Variants in LDLRAD3 observed in about 807,000 individuals in gnomAD.
LDLRAD3 encodes low density lipoprotein receptor class A domain containing 3, also known as low-density lipoprotein receptor class A domain-containing protein 3.
A neutral mutation model predicts 29.4 loss-of-function variants in LDLRAD3; 20 were observed. The observed-to-expected ratio is 0.68, with a 90% CI of 0.48 to 0.99. The LOEUF (loss-of-function observed/expected upper bound fraction) is 0.99, where lower values mean the gene tolerates loss of function less well. LDLRAD3 is among the 50% of genes least tolerant of loss of function. The probability of loss-of-function intolerance (pLI) is 0.00; values close to 1 mark genes in which losing one functional copy is unlikely to be tolerated. For missense variants in LDLRAD3, 420 were observed against 454.3 expected (o/e 0.92, Z 0.69); for synonymous variants, 157 against 192.7 (o/e 0.81, Z 1.53).
intron 4 of LDLRAD3, among the ~76,000 whole-genome samples, chr11:36,199,587 A>ACACACACG (rs772103050): frequency 1.3e-5 from 2 of 149,362 alleles, no homozygotes; most frequent in Admixed American, 6.7e-5. Context: ...ACACACACAC[A>ACACACACG]CGCACGCACG....
chr11:35,949,350 T>C (rs2133123404), intron 1 of LDLRAD3, among the ~76,000 whole-genome samples: 1 of 152,098 alleles, frequency 6.6e-6, no homozygotes, highest in African/African-American at 2.4e-5. Context: ...ACCTGGGAGG[T>C]TCAGCAGCCC....
At chr11:36,133,207 C>CTTTTTTTTTT (rs60402803) in intron 4 of LDLRAD3, among the ~76,000 whole-genome samples, 1 of 146,538 alleles carries the variant, frequency 6.8e-6, no homozygotes. Context: ...TTTCTTTTTT[C>CTTTTTTTTTT]TTTTTTTTAG....
At chr11:36,142,113 G>A (rs1316915880) in intron 4 of LDLRAD3, among the ~76,000 whole-genome samples, 2 of 152,180 alleles carry the variant, frequency 1.3e-5, no homozygotes, top group Non-Finnish European at 2.9e-5. Context: ...AAGCCATCCA[G>A]CCATGGCTGG....
chr11:36,078,208 G>A (rs1853048437), intron 2 of LDLRAD3, among the ~76,000 whole-genome samples: 1 of 152,168 alleles, frequency 6.6e-6, no homozygotes, highest in South Asian at 2.1e-4. Context: ...CCAGTCTGCG[G>A]GACCCACAGC....
intron 4 of LDLRAD3, among the ~76,000 whole-genome samples, chr11:36,209,008 A>G (rs1203320262): frequency 6.6e-6 from 1 of 152,260 alleles, no homozygotes; most frequent in African/African-American, 2.4e-5. Context: ...CATTTCAGGT[A>G]TCCCCTGATG....
chr11:36,209,348 C>G (rs975960240), intron 4 of LDLRAD3, among the ~76,000 whole-genome samples: 1 of 134,924 alleles, frequency 7.4e-6, no homozygotes, highest in Non-Finnish European at 1.5e-5. Flanking sequence ...TTTGCAGAAA[C>G]TGTACTTTTT....
intron 1 of LDLRAD3, among the ~76,000 whole-genome samples, chr11:35,999,535 A>G (rs1259037204): frequency 1.3e-5 from 2 of 152,060 alleles, no homozygotes; most frequent in Non-Finnish European, 2.9e-5. Flanking sequence ...TTGGCTTCTC[A>G]TTGGAGGCGG....
At chr11:35,958,486 C>T (rs1291257953) in intron 1 of LDLRAD3, among the ~76,000 whole-genome samples, 1 of 152,092 alleles carries the variant, frequency 6.6e-6, no homozygotes, top group Admixed American at 6.5e-5. Flanking sequence ...CGTAGTAGTC[C>T]CCACTCACTA....
chr11:35,965,658 G>T (rs573936196), intron 1 of LDLRAD3, among the ~76,000 whole-genome samples: 2 of 152,240 alleles, frequency 1.3e-5, no homozygotes, highest in South Asian at 4.1e-4. Flanking sequence ...AAAGAGAGAT[G>T]GGGGAATAAG....
intron 1 of LDLRAD3, among the ~76,000 whole-genome samples, chr11:35,990,094 T>A (rs866451894): frequency 7.2e-5 from 11 of 152,140 alleles, no homozygotes; most frequent in Non-Finnish European, 1.2e-4. Flanking sequence ...TTATGTTGAG[T>A]CTCAGTTTTT....
intron 4 of LDLRAD3, among the ~76,000 whole-genome samples, chr11:36,209,010 C>A (rs1307746449): frequency 6.6e-6 from 1 of 152,198 alleles, no homozygotes; most frequent in Admixed American, 6.5e-5. Context: ...TTTCAGGTAT[C>A]CCCTGATGGG....
chr11:36,165,978 CT>C (rs2133342684), intron 4 of LDLRAD3, among the ~76,000 whole-genome samples: 5 of 119,620 alleles, frequency 4.2e-5, no homozygotes, highest in African/African-American at 1.6e-4. Flanking sequence ...CCCTCCCTCC[CT>C]TCCTTCCTTC....
intron 2 of LDLRAD3, among the ~76,000 whole-genome samples, chr11:36,058,015 C>T (rs1852646279): frequency 6.6e-6 from 1 of 152,194 alleles, no homozygotes; most frequent in African/African-American, 2.4e-5. Context: ...GGTTGATGCC[C>T]TCTGAGCACT....
chr11:35,980,972 C>T (rs1238249067), intron 1 of LDLRAD3, among the ~76,000 whole-genome samples: 1 of 152,076 alleles, frequency 6.6e-6, no homozygotes, highest in African/African-American at 2.4e-5. Context: ...TATTGGGGAC[C>T]CTCGGGCCAC....
chr11:35,957,736 C>T (rs569529196), intron 1 of LDLRAD3, among the ~76,000 whole-genome samples: 10 of 139,484 alleles, frequency 7.2e-5, no homozygotes, highest in Admixed American at 1.6e-4. Flanking sequence ...ACGGAGGTTG[C>T]ATGGAGCTGA....
In LDLRAD3 at chr11:36,055,990, C is replaced by CTTTT. The variant is rs67731567; in HGVS notation, c.193+19760_193+19763dup. Among the ~76,000 whole-genome samples the CTTTT allele has an allele frequency of 1.6e-3, 152 of 95,316 alleles. 5 individuals carry two copies. The highest frequency in any genetic ancestry group is 1.8e-3 in the Non-Finnish European group (94 of 51,962). 62.5% of individuals were successfully genotyped at this position (95,316 alleles called of 152,430 possible). On this transcript the variant is annotated intron_variant, in intron 2 of 5. Coordinates refer to ENST00000315571, the MANE Select transcript of LDLRAD3 (RefSeq NM_174902.4). ...GGGTTCTGGGGTCAGACAGCTTGCC[C>CTTTT]TTTTTTTTTTTTTTTTTTTTTTGAG...
In LDLRAD3 at chr11:35,974,391, G is replaced by A. The variant is rs189122257; in HGVS notation, c.46+30247G>A. ...CTGACTTGACCTCTCTTCTGTTGCT[G>A]CTGTGTAACAATATTATCACAAACT... On this transcript the variant is annotated intron_variant, in intron 1 of 5. Transcript: ENST00000315571. 3.4e-4 allele frequency among the ~76,000 whole-genome samples: 52 copies of A among 151,850 alleles called. 1 individual carries two copies. The highest frequency in any genetic ancestry group is 1.1e-3 in the African/African-American group (47 of 41,384).
intron 2 of LDLRAD3, among the ~76,000 whole-genome samples, chr11:36,064,613 C>T (rs544833537): frequency 4.1e-4 from 62 of 151,446 alleles, no homozygotes; most frequent in African/African-American, 1.5e-3. Flanking sequence ...AGCTACCACT[C>T]TTGGCTAGTT....
intron 4 of LDLRAD3, among the ~76,000 whole-genome samples, chr11:36,178,600 A>G (rs774097067): frequency 6.6e-6 from 1 of 152,230 alleles, no homozygotes; most frequent in African/African-American, 2.4e-5. Flanking sequence ...TCTATGCCCC[A>G]TCAAAACTGG....
Sources: gnomAD v4.1 joint callset for allele counts (sites outside exome capture counted in the v4.1 genomes callset) on GRCh38, gnomAD v4.1.1 for gene constraint, MANE v1.5 for transcripts, NCBI Gene and HGNC (gene_info 2026-07-23, HGNC 2026-07-21) for gene names.